ARPP21: variants seen among roughly 807,000 people sequenced by gnomAD.
ARPP21 encodes cAMP-regulated phosphoprotein 21.
ARPP21 carries 69 observed loss-of-function variants against 113.2 expected under a neutral mutation model. The observed-to-expected ratio is 0.61, with a 90% CI of 0.50 to 0.74. ARPP21 has a LOEUF of 0.74. Ranked by LOEUF, ARPP21 falls within the 30% of genes least tolerant of loss-of-function variation. The pLI is 0.00. For missense variants in ARPP21, 1,070 were observed against 1,037.4 expected (o/e 1.03, Z -0.43); for synonymous variants, 368 against 375.5 (o/e 0.98, Z 0.23).
intron 5 of ARPP21, among the ~76,000 whole-genome samples, chr3:35,687,326 T>G (rs1194230889): frequency 1.3e-5 from 2 of 151,204 alleles, no homozygotes; most frequent in Admixed American, 1.3e-4. Flanking sequence ...TCTGTCTTTG[T>G]GCCAATTTCC....
intron 19 of ARPP21, among the ~76,000 whole-genome samples, chr3:35,778,179 GAAATGGT>G (rs575210646): frequency 1.0e-3 from 158 of 152,272 alleles, no homozygotes; most frequent in African/African-American, 3.7e-3. Context: ...AGTAGTTTGG[GAAATGGT>G]CCCTGACATG....
At chr3:35,738,671 C>T (rs2094494942) in intron 17 of ARPP21, among the ~76,000 whole-genome samples, 1 of 152,110 alleles carries the variant, frequency 6.6e-6, no homozygotes, top group South Asian at 2.1e-4. Context: ...GGGATGGGAA[C>T]CATTATCACC....
intron 9 of ARPP21, among the ~76,000 whole-genome samples, chr3:35,696,665 C>T (rs911655382): frequency 1.3e-5 from 2 of 151,410 alleles, no homozygotes; most frequent in East Asian, 1.9e-4. Context: ...GAATGAGACC[C>T]TTGCCAGGGT....
intron 19 of ARPP21, among the ~76,000 whole-genome samples, chr3:35,754,629 A>G (rs1294666876): frequency 3.9e-5 from 6 of 152,008 alleles, no homozygotes; most frequent in Non-Finnish European, 8.8e-5. Context: ...TTATTAAGAG[A>G]AATAATAAGA....
At chr3:35,690,818 CA>C (rs748989167) in intron 8 of ARPP21, 46 bp from the exon 9 acceptor site, 2 of 1,558,522 alleles carry the variant, frequency 1.3e-6, no homozygotes, top group East Asian at 2.3e-5. Flanking sequence ...GTATTATGGG[CA>C]AAAAATGAAA....
In ARPP21 at chr3:35,747,098, C is replaced by T. The variant is rs749958933; in HGVS notation, c.2137+3133C>T. On this transcript the variant is annotated intron_variant, in intron 19 of 20. Coordinates refer to ENST00000684406, the MANE Select transcript of ARPP21 (RefSeq NM_001385562.1). ...AGGTGTGGTGGCTCACACCTATAATCCCAGCACTTTGGGAGGTGGAGGCAG... is the reference window on the plus strand; with the variant it reads ...AGGTGTGGTGGCTCACACCTATAATTCCAGCACTTTGGGAGGTGGAGGCAG... Among the ~76,000 whole-genome samples, 13 of 152,184 alleles carry T rather than the reference C, an allele frequency of 8.5e-5. No individual in the cohort carries two copies. The South Asian group carries it at 1.0e-3, about 12-fold the overall frequency.
At chr3:35,756,176 A>G (rs942803851) in intron 19 of ARPP21, among the ~76,000 whole-genome samples, 1 of 152,074 alleles carries the variant, frequency 6.6e-6, no homozygotes, top group African/African-American at 2.4e-5. Flanking sequence ...GCTTCTGTCC[A>G]AATGAGTGGC....
At chr3:35,766,113 GAT>G (rs897917634) in intron 19 of ARPP21, among the ~76,000 whole-genome samples, 3 of 152,100 alleles carry the variant, frequency 2.0e-5, no homozygotes, top group African/African-American at 7.2e-5. Flanking sequence ...TGCATTCAGT[GAT>G]CTTCCACGGA....
At chr3:35,778,933 T>C (rs1169539152) in intron 19 of ARPP21, among the ~76,000 whole-genome samples, 1 of 152,230 alleles carries the variant, frequency 6.6e-6, no homozygotes, top group African/African-American at 2.4e-5. Context: ...TGTAATCCAC[T>C]ATATGGCCTC....
chr3:35,696,390 G>C (rs186493978), intron 9 of ARPP21, among the ~76,000 whole-genome samples: 94 of 151,658 alleles, frequency 6.2e-4, no homozygotes, highest in Middle Eastern at 3.4e-3. Flanking sequence ...TTGGTGCTCA[G>C]AGCCAACCAG....
intron 17 of ARPP21, 86 bp downstream of exon 17, chr3:35,738,404 C>A: frequency 8.8e-7 from 1 of 1,139,760 alleles, no homozygotes; most frequent in Non-Finnish European, 1.3e-6. Flanking sequence ...CTGGCTGACA[C>A]TGGGGTGGGT....
chr3:35,738,678 C>T (rs538496506), intron 17 of ARPP21, among the ~76,000 whole-genome samples: 2 of 152,198 alleles, frequency 1.3e-5, no homozygotes, highest in South Asian at 2.1e-4. Flanking sequence ...GAACCATTAT[C>T]ACCCTATGCT....
chr3:35,682,311 T>G (rs1014310195), intron 3 of ARPP21: 1 of 159,798 alleles, frequency 6.3e-6, no homozygotes, highest in Non-Finnish European at 1.4e-5. Context: ...AAGGCTCAAA[T>G]CTTAGTAGCA....
intron 9 of ARPP21, among the ~76,000 whole-genome samples, chr3:35,695,731 G>C (rs2083740448): frequency 6.6e-6 from 1 of 151,558 alleles, no homozygotes; most frequent in African/African-American, 2.4e-5. Flanking sequence ...TGGCAAGCTG[G>C]AGTATGGGCT....
chr3:35,662,942 T>C (rs1297225948), intron 1 of ARPP21, among the ~76,000 whole-genome samples: 1 of 151,934 alleles, frequency 6.6e-6, no homozygotes, highest in Non-Finnish European at 1.5e-5. Context: ...GAAGAAAGGA[T>C]GAAGAGAAGT....
intron 19 of ARPP21, among the ~76,000 whole-genome samples, chr3:35,770,600 A>G (rs983098673): frequency 6.6e-6 from 1 of 152,236 alleles, no homozygotes; most frequent in African/African-American, 2.4e-5. Context: ...AAGTGAATGC[A>G]CTTGACTATG....
At chr3:35,704,780 T>C (rs2088074408) in intron 9 of ARPP21, among the ~76,000 whole-genome samples, 1 of 152,062 alleles carries the variant, frequency 6.6e-6, no homozygotes, top group Non-Finnish European at 1.5e-5. Flanking sequence ...AATTTATTTA[T>C]TCAGCCAAAT....
At chr3:35,788,385 T>C (rs1373119082) in intron 19 of ARPP21, among the ~76,000 whole-genome samples, 1 of 152,210 alleles carries the variant, frequency 6.6e-6, no homozygotes, top group Non-Finnish European at 1.5e-5. Flanking sequence ...ATGAAGCAGC[T>C]TGCTAACTCT....
At chr3:35,650,994 A>G (rs745604286) in intron 1 of ARPP21, among the ~76,000 whole-genome samples, 3 of 152,102 alleles carry the variant, frequency 2.0e-5, no homozygotes, top group African/African-American at 7.2e-5. Context: ...GAGATTCCAC[A>G]TTTGTGTGTT....
Sources: allele counts gnomAD v4.1 joint callset (sites outside exome capture counted in the v4.1 genomes callset), GRCh38; gene constraint gnomAD v4.1.1; transcripts MANE v1.5; gene names NCBI Gene and HGNC (gene_info 2026-07-23, HGNC 2026-07-21).